CCDC171: variants seen among roughly 807,000 people sequenced by gnomAD.
CCDC171 encodes the protein coiled-coil domain-containing protein 171.
CCDC171 carries 177 observed loss-of-function variants against 168.2 expected under a neutral mutation model. The observed-to-expected ratio is 1.05, with a 90% CI of 0.93 to 1.19. CCDC171 has a LOEUF of 1.19. Among genes scored for constraint, CCDC171 ranks in the 50% most tolerant of loss-of-function variants. CCDC171 has a pLI of 0.00. For synonymous variants in CCDC171, 687 were observed against 540.8 expected (o/e 1.27, Z -3.75); for missense variants, 1,991 against 1,539.0 (o/e 1.29, Z -4.91).
chr9:15,650,515 T>C (rs577323081), intron 7 of CCDC171, among the ~76,000 whole-genome samples: 10 of 152,360 alleles, frequency 6.6e-5, no homozygotes, highest in African/African-American at 2.2e-4. Context: ...CGTACAGTTA[T>C]TGGTCATTTA....
chr9:15,602,368 C>T (rs2042917970), intron 6 of CCDC171, among the ~76,000 whole-genome samples: 1 of 146,576 alleles, frequency 6.8e-6, no homozygotes, highest in African/African-American at 2.4e-5. Context: ...TAAGAGAATT[C>T]AGTTTTTTAA....
intron 4 of CCDC171, among the ~76,000 whole-genome samples, chr9:15,581,009 C>G (rs1173941428): frequency 2.0e-5 from 3 of 152,178 alleles, no homozygotes; most frequent in Non-Finnish European, 1.5e-5. Context: ...TTGCAGATGA[C>G]ATGACTGTAT....
At chr9:15,601,930 G>C (rs1032871262) in intron 6 of CCDC171, among the ~76,000 whole-genome samples, 3 of 152,190 alleles carry the variant, frequency 2.0e-5, no homozygotes, top group Non-Finnish European at 4.4e-5. Flanking sequence ...GATCAGTCCT[G>C]TAAATCCTAA....
At chr9:15,565,133 G>C (rs1015737141) in intron 2 of CCDC171, among the ~76,000 whole-genome samples, 1 of 141,232 alleles carries the variant, frequency 7.1e-6, no homozygotes, top group Non-Finnish European at 1.5e-5. Context: ...CTGTCGCCCA[G>C]ATTGGAGTGC....
At chr9:16,015,078 A>G (rs549661692) in intron 3 of CCDC171, among the ~76,000 whole-genome samples, 7 of 152,128 alleles carry the variant, frequency 4.6e-5, no homozygotes, top group Non-Finnish European at 8.8e-5. Context: ...TAACTAACCT[A>G]CATGTTGTGC....
At chr9:16,092,513 C>A in the CCDC171 span, among the ~76,000 whole-genome samples, 4 of 152,182 alleles carry the variant, frequency 2.6e-5, no homozygotes, top group African/African-American at 7.2e-5. Flanking sequence ...GCTCCCCACC[C>A]CGCCGCCCAA....
At chr9:15,979,818 C>T (rs563326212) in intron 3 of CCDC171, among the ~76,000 whole-genome samples, 1 of 151,024 alleles carries the variant, frequency 6.6e-6, no homozygotes, top group South Asian at 2.1e-4. Context: ...GGAAATTATC[C>T]CTTCTCTTCT....
At chr9:15,812,720 A>T (rs2059408707) in intron 21 of CCDC171, among the ~76,000 whole-genome samples, 1 of 152,170 alleles carries the variant, frequency 6.6e-6, no homozygotes, top group African/African-American at 2.4e-5. Context: ...TACTGTCAGG[A>T]TAGAAGGATC....
intron 21 of CCDC171, among the ~76,000 whole-genome samples, chr9:15,838,241 T>C (rs1370935825): frequency 2.0e-5 from 3 of 152,308 alleles, no homozygotes; most frequent in South Asian, 2.1e-4. Context: ...GGAAAACTAT[T>C]ATAAGCCAGT....
chr9:15,860,671 A>G (rs1320970591), intron 23 of CCDC171, among the ~76,000 whole-genome samples: 2 of 152,010 alleles, frequency 1.3e-5, no homozygotes, highest in Non-Finnish European at 2.9e-5. Context: ...GACACCTAAC[A>G]TATGATATAT....
chr9:15,952,451 A>G (rs200078108), intron 25 of CCDC171, among the ~76,000 whole-genome samples: 9 of 152,064 alleles, frequency 5.9e-5, no homozygotes, highest in African/African-American at 2.2e-4. Context: ...AGGCTGGAGT[A>G]CAATGGCGTG....
At position 15,642,362 on chromosome 9, in the gene CCDC171, T is replaced by TATATATAC. The variant is rs1564119003; in HGVS notation, c.823-14758_823-14757insCATATATA. ...GTGTGTGTATATATATATATATATA[T>TATATATAC]ATATATATATATATATATATATGCA... On this transcript the variant is annotated intron_variant, in intron 7 of 25. Transcript: ENST00000380701. Among the ~76,000 whole-genome samples the TATATATAC allele has an allele frequency of 3.4e-3, 153 of 45,088 alleles. 2 individuals carry two copies. The highest frequency in any genetic ancestry group is 7.5e-3 in the African/African-American group (149 of 19,942). The allele number at this position is 45,088 out of a possible 152,430, so 29.6% of individuals were successfully genotyped here.
chr9:15,750,585 G>A (rs189681127), intron 18 of CCDC171, among the ~76,000 whole-genome samples: 141 of 151,326 alleles, frequency 9.3e-4, no homozygotes, highest in South Asian at 3.7e-3. Context: ...CTGGCAAACC[G>A]AATCCAGCAG....
chr9:15,611,012 A>G (rs1226670776), intron 6 of CCDC171, among the ~76,000 whole-genome samples: 2 of 152,148 alleles, frequency 1.3e-5, no homozygotes, highest in Non-Finnish European at 1.5e-5. Context: ...GGAGGAGATC[A>G]TGGGGGCAGA....
intron 24 of CCDC171, among the ~76,000 whole-genome samples, chr9:15,909,538 G>A (rs1439989361): frequency 1.3e-5 from 2 of 152,136 alleles, no homozygotes; most frequent in African/African-American, 4.8e-5. Flanking sequence ...ACAAGTATTT[G>A]TGGGCAGGAC....
chr9:15,873,735 T>G (rs2131218787), intron 23 of CCDC171, among the ~76,000 whole-genome samples: 1 of 152,232 alleles, frequency 6.6e-6, no homozygotes, highest in South Asian at 2.1e-4. Flanking sequence ...ATTTATATTA[T>G]ATAAGGAATA....
chr9:15,807,990 T>C (rs1289456847), intron 21 of CCDC171, among the ~76,000 whole-genome samples: 1 of 151,888 alleles, frequency 6.6e-6, no homozygotes, highest in Admixed American at 6.6e-5. Flanking sequence ...AAACAGTTGT[T>C]TTACATATTT....
intron 25 of CCDC171, among the ~76,000 whole-genome samples, chr9:15,929,337 C>T (rs551052367): frequency 1.3e-5 from 2 of 151,674 alleles, no homozygotes; most frequent in East Asian, 2.0e-4. Context: ...TCTTTTTTAC[C>T]AAATTGAGTT....
intron 25 of CCDC171, among the ~76,000 whole-genome samples, chr9:15,952,330 TCTC>T (rs1829289082): frequency 6.6e-6 from 1 of 152,150 alleles, no homozygotes; most frequent in South Asian, 2.1e-4. Context: ...CCAACTTTGT[TCTC>T]CTTTTTTCAA....
Sources: allele counts gnomAD v4.1 joint callset (sites outside exome capture counted in the v4.1 genomes callset), GRCh38; gene constraint gnomAD v4.1.1; transcripts MANE v1.5; gene names NCBI Gene and HGNC (gene_info 2026-07-23, HGNC 2026-07-21).